IL1RAPL2: variants seen among roughly 807,000 people sequenced by gnomAD.
IL1RAPL2 encodes X-linked interleukin-1 receptor accessory protein-like 2.
A neutral mutation model predicts 44.1 loss-of-function variants in IL1RAPL2; 3 were observed. The observed-to-expected ratio is 0.07, with a 90% CI of 0.03 to 0.18. The LOEUF (loss-of-function observed/expected upper bound fraction) is 0.18, where lower values mean the gene tolerates loss of function less well. Among genes scored for constraint, IL1RAPL2 ranks in the 10% least tolerant of loss-of-function variants. The pLI, the probability that IL1RAPL2 is intolerant of heterozygous loss-of-function variation, is 1.00. For missense variants in IL1RAPL2, 391 were observed against 496.4 expected, an observed-to-expected ratio of 0.79 and a Z score of 2.02; for synonymous variants, 181 against 178.8, an observed-to-expected ratio of 1.01 and a Z score of -0.10.
chrX:105,430,145 G>T (rs60982906), intron 5 of IL1RAPL2, among the ~76,000 whole-genome samples: 1 of 111,486 alleles, frequency 9.0e-6, no homozygotes, highest in South Asian at 3.7e-4. Flanking sequence ...TCTACAATTC[G>T]CATTAATGAT....
At chrX:105,118,817 A>G (rs1011716221) in intron 2 of IL1RAPL2, among the ~76,000 whole-genome samples, 15 of 112,292 alleles carry the variant, frequency 1.3e-4, no homozygotes, top group African/African-American at 4.5e-4. Context: ...ATCATGTGCC[A>G]TAGCTCAAAA....
chrX:105,710,882 G>A (rs952385143), intron 6 of IL1RAPL2, among the ~76,000 whole-genome samples: 115 of 107,085 alleles, frequency 1.1e-3, no homozygotes, highest in African/African-American at 3.7e-3. Context: ...TGATAGAAAA[G>A]GCCAGTGTGA....
Position 105,425,762 on chromosome X carries a change from G to GTGAAAT in IL1RAPL2, c.698-58548_698-58543dup, listed in dbSNP as rs745848909. On this transcript the variant is annotated intron_variant, in intron 5 of 10. Transcript: ENST00000372582. ...AGTTGGGGAACTAGAAAATAAAGGA[G>GTGAAAT]TGAAATTGTGCTATCTCTGATGACA... Among the ~76,000 whole-genome samples, 14 of 110,350 alleles carry GTGAAAT rather than the reference G, an allele frequency of 1.3e-4. No individual in the cohort carries two copies. In the South Asian group the frequency reaches 5.5e-3, roughly 43 times the overall value.
intron 2 of IL1RAPL2, among the ~76,000 whole-genome samples, chrX:105,009,677 C>T (rs897998912): frequency 2.3e-4 from 25 of 108,300 alleles, no homozygotes; most frequent in African/African-American, 8.5e-4. Flanking sequence ...TGCAGCACAC[C>T]AACATGGCAC....
At chrX:104,694,473 G>T (rs1478071693) in intron 2 of IL1RAPL2, among the ~76,000 whole-genome samples, 2 of 111,835 alleles carry the variant, frequency 1.8e-5, no homozygotes, top group Non-Finnish European at 3.8e-5. Context: ...ATTTATTCTA[G>T]TTGATGTCAC....
At chrX:105,596,380 T>G (rs1444948223) in intron 6 of IL1RAPL2, among the ~76,000 whole-genome samples, 1 of 111,250 alleles carries the variant, frequency 9.0e-6, no homozygotes, top group African/African-American at 3.3e-5. Context: ...TGTCTCAAGA[T>G]ATTTTTTAAT....
At chrX:104,760,750 G>A (rs1256486538) in intron 2 of IL1RAPL2, among the ~76,000 whole-genome samples, 1 of 111,118 alleles carries the variant, frequency 9.0e-6, no homozygotes, top group Non-Finnish European at 1.9e-5. Context: ...TTTGTTGATT[G>A]TATCCTTTGT....
At chrX:105,518,085 G>A (rs1406263161) in intron 6 of IL1RAPL2, among the ~76,000 whole-genome samples, 1 of 111,167 alleles carries the variant, frequency 9.0e-6, no homozygotes, top group Non-Finnish European at 1.9e-5. Flanking sequence ...TGAATGGAGA[G>A]GCCATTGGAT....
intron 4 of IL1RAPL2, among the ~76,000 whole-genome samples, chrX:105,262,006 G>C (rs2034363554): frequency 8.9e-6 from 1 of 111,756 alleles, no homozygotes; most frequent in African/African-American, 3.3e-5. Context: ...AAGGCTAAAA[G>C]GAGCTAGAGT....
intron 2 of IL1RAPL2, among the ~76,000 whole-genome samples, chrX:104,730,192 G>A (rs1488427564): frequency 9.0e-6 from 1 of 111,072 alleles, no homozygotes. Flanking sequence ...CATATTTGAA[G>A]ACTTTTTAAA....
intron 5 of IL1RAPL2, among the ~76,000 whole-genome samples, chrX:105,381,436 G>T (rs917903293): frequency 9.0e-6 from 1 of 111,455 alleles, no homozygotes; most frequent in Non-Finnish European, 1.9e-5. Context: ...AGACAGAGAG[G>T]CAAAATACAT....
chrX:105,068,750 G>T (rs981431291), intron 2 of IL1RAPL2, among the ~76,000 whole-genome samples: 1 of 111,716 alleles, frequency 9.0e-6, no homozygotes, highest in East Asian at 2.8e-4. Context: ...TTATACCAAG[G>T]TTCTAAAAAG....
chrX:104,928,145 T>A (rs1042400971), intron 2 of IL1RAPL2, among the ~76,000 whole-genome samples: 10 of 112,048 alleles, frequency 8.9e-5, no homozygotes, highest in African/African-American at 3.2e-5. Flanking sequence ...GCATTTATCC[T>A]TTGTGTTACA....
intron 6 of IL1RAPL2, among the ~76,000 whole-genome samples, chrX:105,602,407 G>GAAAGA (rs1293388365): frequency 1.0e-4 from 11 of 110,455 alleles, no homozygotes; most frequent in Admixed American, 9.6e-4. Context: ...AAAAGAATAA[G>GAAAGA]AAAGAATTAA....
At chrX:105,550,915 CAT>C (rs200470900) in intron 6 of IL1RAPL2, among the ~76,000 whole-genome samples, 1,539 of 111,304 alleles carry the variant, frequency 0.014, 22 homozygotes, top group African/African-American at 0.047. Context: ...AAAGAAGTAA[CAT>C]ATGCATTCTA....
chrX:105,033,817 G>T (rs1457778161), intron 2 of IL1RAPL2, among the ~76,000 whole-genome samples: 1 of 111,906 alleles, frequency 8.9e-6, no homozygotes, highest in African/African-American at 3.2e-5. Context: ...CCTGCAGAGT[G>T]TTTTCCAACT....
chrX:104,955,514 T>C (rs1328526515), intron 2 of IL1RAPL2, among the ~76,000 whole-genome samples: 1 of 107,138 alleles, frequency 9.3e-6, no homozygotes, highest in Admixed American at 1.0e-4. Context: ...CATATATATG[T>C]ATTATACTCC....
chrX:104,997,887 A>G (rs539700276), intron 2 of IL1RAPL2, among the ~76,000 whole-genome samples: 2 of 111,551 alleles, frequency 1.8e-5, no homozygotes, highest in African/African-American at 3.3e-5. Flanking sequence ...TACTTGCTAG[A>G]TATCCAAGTT....
rs782244371 is a variant in IL1RAPL2, at chrX:105,227,773, C to G, written c.357-6045C>G. Among the ~76,000 whole-genome samples the G allele has an allele frequency of 5.4e-5, 6 of 111,738 alleles. No homozygotes were observed. In the Admixed American group the frequency reaches 5.7e-4, roughly 11 times the overall value. Reference sequence around the variant, plus strand: ...TATTTATGCAGACATCTGAAAGTCCCCTTTCCAATCAAGCTTAAAAGATTT... The same window carrying G: ...TATTTATGCAGACATCTGAAAGTCCGCTTTCCAATCAAGCTTAAAAGATTT... On this transcript the variant is annotated intron_variant, in intron 3 of 10. Transcript: ENST00000372582.
Sources: gnomAD v4.1 joint callset for allele counts (sites outside exome capture counted in the v4.1 genomes callset) on GRCh38, gnomAD v4.1.1 for gene constraint, MANE v1.5 for transcripts, NCBI Gene and HGNC (gene_info 2026-07-23, HGNC 2026-07-21) for gene names.